Variants in AGK observed in about 807,000 individuals in gnomAD.
The protein encoded by AGK is acylglycerol kinase, mitochondrial.
AGK carries 52 observed loss-of-function variants against 66.4 expected under a neutral mutation model. The ratio of observed to expected loss-of-function variants is 0.78; its 90% confidence interval spans 0.63 to 0.99. The LOEUF (loss-of-function observed/expected upper bound fraction) is 0.99, where lower values mean the gene tolerates loss of function less well. AGK is among the 50% of genes least tolerant of loss of function. The pLI is 0.00. For missense variants in AGK, 451 were observed against 506.6 expected (o/e 0.89, Z 1.05); for synonymous variants, 182 against 181.1 (o/e 1.00, Z -0.04).
Position 141,555,451 on chromosome 7 carries a change from A to G in AGK, c.-14-2A>G. On this transcript the variant is annotated splice_acceptor_variant, in intron 1 of 15. Transcript: ENST00000649286. LOFTEE classifies it low-confidence loss of function (5UTR_SPLICE). The surrounding 1 kb of genome is among the most constrained non-coding windows in gnomAD (Gnocchi z 4.2). ...TTTCTCTTTCCGCCTCTACTAACCTAGCAAATCTCTAGAAGATGACGGTGT... is the reference window on the plus strand; with the variant it reads ...TTTCTCTTTCCGCCTCTACTAACCTGGCAAATCTCTAGAAGATGACGGTGT... 6.2e-7 allele frequency: 1 copy of G among 1,604,606 alleles called. No individual in the cohort carries two copies. The highest frequency in any genetic ancestry group is 1.1e-5 in the South Asian group (1 of 90,606).
intron 2 of AGK, among the ~76,000 whole-genome samples, chr7:141,576,246 A>G (rs566422879): frequency 6.6e-6 from 1 of 152,248 alleles, no homozygotes; most frequent in Admixed American, 6.5e-5. Flanking sequence ...TTTTACTTCT[A>G]TAGAAGGGTG....
chr7:141,596,781 T>C lies in AGK; in HGVS notation c.221+140T>C, dbSNP rs920082601. ...TTCTAGCAATAAGATTCATTTGTAA[T>C]GTAGAAATAACAGTTAAATGAGAAA... On this transcript the variant is annotated intron_variant, in intron 4 of 15. Coordinates refer to ENST00000649286, the MANE Select transcript of AGK (RefSeq NM_018238.4). The C allele has an allele frequency of 4.4e-6, 3 of 683,990 alleles. No individual in the cohort carries two copies. In the African/African-American group the frequency reaches 5.4e-5, roughly 12 times the overall value. 42.4% of individuals were successfully genotyped at this position (683,990 alleles called of 1,614,324 possible). A position where few individuals can be genotyped will look rare whatever the true frequency, so the allele number is the denominator to read the frequency against.
At chr7:141,601,555 T>G (rs1796340917) in intron 5 of AGK, among the ~76,000 whole-genome samples, 1 of 152,356 alleles carries the variant, frequency 6.6e-6, no homozygotes, top group East Asian at 1.9e-4. Context: ...AAAGTTGTTA[T>G]AGCTGTAAGA....
intron 12 of AGK, 108 bp from the exon 13 acceptor site, chr7:141,641,703 C>A: frequency 1.1e-6 from 1 of 898,270 alleles, no homozygotes. Context: ...AAGGCAGAGT[C>A]AGCAGAAAGG....
At chr7:141,601,336 C>A (rs1796337614) in intron 5 of AGK, 56 bp downstream of exon 5, 2 of 1,403,648 alleles carry the variant, frequency 1.4e-6, no homozygotes, top group East Asian at 4.6e-5. Context: ...TTATAACAAC[C>A]TCTTCTCTTG....
intron 2 of AGK, among the ~76,000 whole-genome samples, chr7:141,560,272 G>A (rs532241504): frequency 1.3e-4 from 19 of 141,664 alleles, no homozygotes; most frequent in African/African-American, 3.1e-4. Context: ...CCCTCCCTCC[G>A]TTTTTTTTTT....
In AGK at chr7:141,598,772, A is replaced by G. The variant is rs1011004820; in HGVS notation, c.221+2131A>G. Among the ~76,000 whole-genome samples, 1 of 152,168 alleles carries G rather than the reference A, an allele frequency of 6.6e-6. No homozygotes were observed. Among genetic ancestry groups the G allele is most frequent in the East Asian group, 1.9e-4 (1 of 5,196 alleles). ...CGACCTACTTCAGTGTAACTCTTCT[A>G]TTCCTTTAGAGACCTAATAAATTAA... On this transcript the variant is annotated intron_variant, in intron 4 of 15. Coordinates refer to ENST00000649286, the MANE Select transcript of AGK (RefSeq NM_018238.4). The surrounding 1 kb of genome is among the most constrained non-coding windows in gnomAD (Gnocchi z 4.2).
chr7:141,603,777 C>T (rs979080637), intron 5 of AGK, among the ~76,000 whole-genome samples: 1 of 152,150 alleles, frequency 6.6e-6, no homozygotes, highest in Non-Finnish European at 1.5e-5. Flanking sequence ...GCTGGCTGTC[C>T]CCTGGCTCAT....
chr7:141,627,426 C>T (rs1277386255), intron 9 of AGK, among the ~76,000 whole-genome samples: 1 of 152,120 alleles, frequency 6.6e-6, no homozygotes, highest in Non-Finnish European at 1.5e-5. Flanking sequence ...TATATTCATT[C>T]ACGTTCCCTG....
chr7:141,576,865 C>T (rs1037691078), intron 2 of AGK, among the ~76,000 whole-genome samples: 2 of 151,808 alleles, frequency 1.3e-5, no homozygotes, highest in Non-Finnish European at 2.9e-5. Flanking sequence ...CGGTGAAACC[C>T]CGTCTCTACT....
chr7:141,646,427 A>G (rs186241898), intron 13 of AGK, among the ~76,000 whole-genome samples: 63 of 152,328 alleles, frequency 4.1e-4, no homozygotes, highest in African/African-American at 1.5e-3. Flanking sequence ...GTCCTCAGAA[A>G]GGTATTGCCT....
intron 1 of AGK, among the ~76,000 whole-genome samples, chr7:141,553,833 T>C (rs1795151381): frequency 6.6e-6 from 1 of 152,154 alleles, no homozygotes; most frequent in Non-Finnish European, 1.5e-5. Flanking sequence ...CAATGGGATT[T>C]AAAGGGAGTC....
intron 2 of AGK, among the ~76,000 whole-genome samples, chr7:141,561,571 A>C (rs1795352912): frequency 6.6e-6 from 1 of 151,500 alleles, no homozygotes; most frequent in Admixed American, 6.6e-5. Context: ...ATATCTTTTG[A>C]GAATTGTCTA....
rs1452986254 is a variant in AGK, at chr7:141,555,530, C to A, written c.64C>A (p.Leu22Met). The A allele has an allele frequency of 6.2e-7, 1 of 1,614,030 alleles. No homozygotes were observed. The highest frequency in any genetic ancestry group is 2.2e-5 in the East Asian group (1 of 44,896). ...WKKTTAGLCL[L>M]TWGGHWLYGK... The stretch of plus-strand genomic sequence containing the variant: ...GAAAACTACAGCTGGGCTCTGCCTG[C>A]TGACCTGGGGAGGCCATTGGCTCTA... The change falls in exon 2 of 16, where the codon CTG (leucine) becomes ATG (methionine). Residue 22 changes from leucine to methionine, a missense_variant. By Grantham distance (15) the Leu-to-Met change is conservative (BLOSUM62 2). Coordinates refer to ENST00000649286, the MANE Select transcript of AGK (RefSeq NM_018238.4). This position sits in a 1 kb window ranked among gnomAD's most constrained non-coding sequence, Gnocchi z 4.2.
rs148604993 is a variant in AGK at position 141,556,194 on chromosome 7, C to G, written c.101+627C>G. Reference sequence around the variant, plus strand: ...ATTCTTTTGAGTTTCTGATTGGCCTCTCTAAAGTAGGCAATCAGATATGTA... The same window carrying G: ...ATTCTTTTGAGTTTCTGATTGGCCTGTCTAAAGTAGGCAATCAGATATGTA... On this transcript the variant is annotated intron_variant, in intron 2 of 15. Transcript: ENST00000649286. 7.9e-5 allele frequency among the ~76,000 whole-genome samples: 12 copies of G among 152,234 alleles called. No individual in the cohort carries two copies. The East Asian group carries it at 2.3e-3, about 29-fold the overall frequency.
intron 13 of AGK, among the ~76,000 whole-genome samples, chr7:141,644,210 C>T (rs374024916): frequency 2.3e-4 from 35 of 152,102 alleles, no homozygotes; most frequent in African/African-American, 8.0e-4. Context: ...GTATTTTATT[C>T]ATGTTCTTTA....
At chr7:141,607,735 C>T (rs1050314237) in intron 5 of AGK, among the ~76,000 whole-genome samples, 7 of 151,796 alleles carry the variant, frequency 4.6e-5, no homozygotes, top group African/African-American at 1.7e-4. Context: ...ACTTAAATTC[C>T]CTCCTGTGTT....
At chr7:141,595,810 C>T (rs1796213980) in intron 3 of AGK, among the ~76,000 whole-genome samples, 2 of 152,138 alleles carry the variant, frequency 1.3e-5, no homozygotes, top group African/African-American at 4.8e-5. Context: ...TCTACCTCAT[C>T]CTTGATCCTC....
intron 13 of AGK, among the ~76,000 whole-genome samples, chr7:141,645,948 T>A (rs546687622): frequency 6.6e-6 from 1 of 152,236 alleles, no homozygotes; most frequent in South Asian, 2.1e-4. Flanking sequence ...GAAACAACTA[T>A]ATGAGACATT....
Sources: allele counts gnomAD v4.1 joint callset (sites outside exome capture counted in the v4.1 genomes callset), GRCh38; gene constraint gnomAD v4.1.1; non-coding constraint Gnocchi (gnomAD v3.1); transcripts MANE v1.5; gene names NCBI Gene and HGNC (gene_info 2026-07-23, HGNC 2026-07-21).